GPC6: variants seen among roughly 807,000 people sequenced by gnomAD.
GPC6 encodes glypican-6.
In GPC6, 14 loss-of-function variants were observed where a neutral mutation model predicts 55.2. The ratio of observed to expected loss-of-function variants is 0.25; its 90% CI spans 0.17 to 0.40. The LOEUF (loss-of-function observed/expected upper bound fraction) is 0.40, where lower values mean the gene tolerates loss of function less well. GPC6 is among the 10% of genes least tolerant of loss of function. The pLI is 1.00. For missense variants in GPC6, 641 were observed against 708.5 expected (o/e 0.90, Z 1.08); for synonymous variants, 278 against 259.6 (o/e 1.07, Z -0.68).
chr13:93,708,328 G>A (rs1882929625), intron 2 of GPC6, among the ~76,000 whole-genome samples: 1 of 151,544 alleles, frequency 6.6e-6, no homozygotes, highest in Admixed American at 6.6e-5. Flanking sequence ...TTATCCCTGG[G>A]ATGTTTTAGG....
Position 94,346,604 on chromosome 13 carries a change from C to T in GPC6, c.1153-35810C>T, listed in dbSNP as rs562239184. On this transcript the variant is annotated intron_variant, in intron 6 of 8. Transcript: ENST00000377047. ...GGGCGTAGTGGCGGGCACCTGTAATCCCAGGTATGCGGAAGGCTGAGGCAG... is the reference window on the plus strand; with the variant it reads ...GGGCGTAGTGGCGGGCACCTGTAATTCCAGGTATGCGGAAGGCTGAGGCAG... Among the ~76,000 whole-genome samples, 59 of 151,880 alleles carry T rather than the reference C, an allele frequency of 3.9e-4. No individual in the cohort carries two copies. The Middle Eastern group carries it at 0.01, about 26-fold the overall frequency.
chr13:94,086,732 T>C (rs1885295516), intron 4 of GPC6, among the ~76,000 whole-genome samples: 1 of 152,184 alleles, frequency 6.6e-6, no homozygotes, highest in African/African-American at 2.4e-5. Context: ...ATTTTAACAC[T>C]GATTGTATAA....
chr13:94,177,541 TA>T (rs1047257634), intron 4 of GPC6, among the ~76,000 whole-genome samples: 3 of 150,634 alleles, frequency 2.0e-5, no homozygotes, highest in African/African-American at 4.9e-5. Context: ...TTAAACTTAC[TA>T]AAAAAAAACA....
At chr13:94,386,323 G>A (rs912798028) in intron 7 of GPC6, among the ~76,000 whole-genome samples, 1 of 150,194 alleles carries the variant, frequency 6.7e-6, no homozygotes, top group Admixed American at 6.7e-5. Flanking sequence ...TCACACCACT[G>A]CACTCCAGCC....
intron 6 of GPC6, among the ~76,000 whole-genome samples, chr13:94,310,062 G>A (rs954371226): frequency 6.6e-6 from 1 of 152,108 alleles, no homozygotes; most frequent in African/African-American, 2.4e-5. Context: ...GCACAAAATA[G>A]CTCGATTTTT....
chr13:94,135,357 G>A (rs1308816460), intron 4 of GPC6, among the ~76,000 whole-genome samples: 1 of 151,832 alleles, frequency 6.6e-6, no homozygotes, highest in Non-Finnish European at 1.5e-5. Context: ...AGTCCCTGAA[G>A]GTAATCTTGT....
chr13:93,873,094 A>T (rs938254116), intron 3 of GPC6, among the ~76,000 whole-genome samples: 2 of 151,518 alleles, frequency 1.3e-5, no homozygotes, highest in South Asian at 4.2e-4. Flanking sequence ...TTTTTTTTTT[A>T]GAGAAAAGGA....
intron 2 of GPC6, among the ~76,000 whole-genome samples, chr13:93,621,074 TA>T (rs1458939783): frequency 6.6e-6 from 1 of 152,168 alleles, no homozygotes; most frequent in African/African-American, 2.4e-5. Context: ...CGAATTGCAA[TA>T]AAGATTTATT....
chr13:94,293,060 A>G (rs1017408185), intron 5 of GPC6, among the ~76,000 whole-genome samples: 4 of 152,218 alleles, frequency 2.6e-5, no homozygotes, highest in African/African-American at 9.6e-5. Flanking sequence ...TTTAAAGACC[A>G]GGGGCAAGAG....
At chr13:93,806,284 G>A (rs1886539327) in intron 2 of GPC6, among the ~76,000 whole-genome samples, 1 of 152,076 alleles carries the variant, frequency 6.6e-6, no homozygotes, top group Non-Finnish European at 1.5e-5. Flanking sequence ...GGATGCATAT[G>A]TTGAGCAATG....
At position 93,717,027 on chromosome 13, in the gene GPC6, G is replaced by T. The variant is rs148863958; in HGVS notation, c.320-113127G>T. Among the ~76,000 whole-genome samples the T allele has an allele frequency of 1.2e-3, 177 of 151,644 alleles. 2 individuals carry two copies. The highest frequency in any genetic ancestry group is 2.6e-3 in the Admixed American group (40 of 15,170). On this transcript the variant is annotated intron_variant, in intron 2 of 8. Transcript: ENST00000377047. ...AGGCTATATACCATGTAGTCTAGGT[G>T]TGTAGTAGGCTACACCATCTAGGTT...
intron 4 of GPC6, among the ~76,000 whole-genome samples, chr13:94,072,430 C>T (rs1884768018): frequency 6.6e-6 from 1 of 152,186 alleles, no homozygotes; most frequent in Admixed American, 6.5e-5. Flanking sequence ...TCTCAACTCA[C>T]TGAGCCTCTG....
chr13:94,107,265 A>C (rs530641102), intron 4 of GPC6, among the ~76,000 whole-genome samples: 1 of 152,302 alleles, frequency 6.6e-6, no homozygotes, highest in South Asian at 2.1e-4. Context: ...AACCTTCTGC[A>C]GTAAAGCGGC....
At chr13:94,084,585 A>T (rs1004380860) in intron 4 of GPC6, among the ~76,000 whole-genome samples, 5 of 33,820 alleles carry the variant, frequency 1.5e-4, no homozygotes, top group African/African-American at 4.8e-4. Flanking sequence ...ACTATTTGTG[A>T]TAAAAAAAAA....
chr13:93,923,628 G>A lies in GPC6; in HGVS notation c.711+93083G>A, dbSNP rs142532487. On this transcript the variant is annotated intron_variant, in intron 3 of 8. Transcript: ENST00000377047. ...ATTTGAGTCTTAATTTGCTCTTTTT[G>A]TATAACTTACCCAAAGAAACCAATC... Among the ~76,000 whole-genome samples, 1,088 of 152,134 alleles carry A rather than the reference G, an allele frequency of 7.2e-3. 4 individuals carry two copies. Among genetic ancestry groups the A allele is most frequent in the Admixed American group, 0.011 (174 of 15,284 alleles).
intron 1 of GPC6, among the ~76,000 whole-genome samples, chr13:93,487,900 G>A (rs1879789983): frequency 6.6e-6 from 1 of 151,992 alleles, no homozygotes; most frequent in Admixed American, 6.6e-5. Flanking sequence ...TCATCATACT[G>A]CCAAGGCATT....
intron 3 of GPC6, among the ~76,000 whole-genome samples, chr13:93,888,058 T>C (rs1227048675): frequency 6.6e-6 from 1 of 152,144 alleles, no homozygotes; most frequent in African/African-American, 2.4e-5. Flanking sequence ...AAACATCTTA[T>C]ATTTTATGAA....
At chr13:93,994,921 T>G (rs1447756929) in intron 3 of GPC6, among the ~76,000 whole-genome samples, 4 of 152,170 alleles carry the variant, frequency 2.6e-5, no homozygotes, top group African/African-American at 9.6e-5. Context: ...GCAAACCTTA[T>G]GTTTTAGTGG....
intron 2 of GPC6, among the ~76,000 whole-genome samples, chr13:93,628,229 C>T (rs1050638954): frequency 2.0e-5 from 3 of 152,210 alleles, no homozygotes; most frequent in African/African-American, 7.2e-5. Context: ...AGCTTGCAGA[C>T]AGTCCATTCT....
Sources: allele counts gnomAD v4.1 joint callset (sites outside exome capture counted in the v4.1 genomes callset), GRCh38; gene constraint gnomAD v4.1.1; transcripts MANE v1.5; gene names NCBI Gene and HGNC (gene_info 2026-07-23, HGNC 2026-07-21).